The following GAB2 variants were observed in gnomAD, a reference collection of about 807,000 sequenced individuals.
GAB2 encodes GRB2 associated binding protein 2, also known as GRB2-associated-binding protein 2.
Under a neutral mutation model 65.5 loss-of-function variants are expected in GAB2, and 26 were observed. The observed-to-expected ratio is 0.40, with a 90% confidence interval of 0.29 to 0.55. GAB2 has a LOEUF of 0.55. Ranked by LOEUF, GAB2 falls within the 20% of genes least tolerant of loss-of-function variation. The probability of loss-of-function intolerance (pLI) is 0.53; values close to 1 mark genes in which losing one functional copy is unlikely to be tolerated. For synonymous variants in GAB2, 321 were observed against 329.6 expected, an observed-to-expected ratio of 0.97 and a Z score of 0.28; for missense variants, 884 against 875.8, an observed-to-expected ratio of 1.01 and a Z score of -0.12.
chr11:78,328,771 G>A (rs139654660), intron 1 of GAB2, among the ~76,000 whole-genome samples: 88 of 148,324 alleles, frequency 5.9e-4, no homozygotes, highest in African/African-American at 2.1e-3. Context: ...TTCTTCTGGA[G>A]GGTGGGGGTG....
intron 1 of GAB2, among the ~76,000 whole-genome samples, chr11:78,354,183 G>A (rs1209039394): frequency 6.6e-6 from 1 of 152,206 alleles, no homozygotes; most frequent in Non-Finnish European, 1.5e-5. Flanking sequence ...ACTTTTGGAA[G>A]TGTCTACTGT....
chr11:78,293,876 C>T (rs1031398006), intron 1 of GAB2, among the ~76,000 whole-genome samples: 3 of 152,020 alleles, frequency 2.0e-5, no homozygotes, highest in African/African-American at 7.2e-5. Flanking sequence ...AGCATGCAAG[C>T]AGGTTAAAAG....
chr11:78,382,625 C>T (rs146528306), intron 1 of GAB2, among the ~76,000 whole-genome samples: 423 of 152,260 alleles, frequency 2.8e-3, no homozygotes, highest in African/African-American at 9.7e-3. Context: ...TAGTACTGCA[C>T]ATAAAATTAA....
chr11:78,266,176 C>A (rs959302945), intron 2 of GAB2, among the ~76,000 whole-genome samples: 1 of 137,210 alleles, frequency 7.3e-6, no homozygotes, highest in African/African-American at 2.8e-5. Flanking sequence ...GATTACACCA[C>A]TGCACTCCAG....
chr11:78,408,546 TAA>T (rs1259109390), intron 1 of GAB2, among the ~76,000 whole-genome samples: 6 of 152,168 alleles, frequency 3.9e-5, no homozygotes, highest in Non-Finnish European at 2.9e-5. Context: ...GAAATTATAT[TAA>T]GTGTAAATTT....
intron 1 of GAB2, among the ~76,000 whole-genome samples, chr11:78,367,523 G>A (rs1038911968): frequency 3.3e-5 from 5 of 152,216 alleles, no homozygotes; most frequent in African/African-American, 1.2e-4. Flanking sequence ...TTTTATGTAA[G>A]AGATCTCAGC....
chr11:78,242,345 A>G (rs1316117319), intron 3 of GAB2, among the ~76,000 whole-genome samples: 2 of 152,098 alleles, frequency 1.3e-5, no homozygotes, highest in Non-Finnish European at 2.9e-5. Context: ...TACTAAAAAT[A>G]CAAAAAATTA....
intron 1 of GAB2, among the ~76,000 whole-genome samples, chr11:78,406,805 G>C (rs1199121491): frequency 6.6e-6 from 1 of 152,132 alleles, no homozygotes; most frequent in Non-Finnish European, 1.5e-5. Flanking sequence ...ATTTTAAAGA[G>C]TCATCATAAA....
intron 2 of GAB2, among the ~76,000 whole-genome samples, chr11:78,265,916 C>A (rs998535513): frequency 6.6e-6 from 1 of 152,032 alleles, no homozygotes; most frequent in South Asian, 2.1e-4. Context: ...TAACCAAACA[C>A]TGTAACTAAA....
chr11:78,377,888 A>C (rs902210799), intron 1 of GAB2, among the ~76,000 whole-genome samples: 5 of 152,204 alleles, frequency 3.3e-5, no homozygotes, highest in African/African-American at 1.2e-4. Flanking sequence ...CAAGTACTGA[A>C]TAACTGGATA....
intron 1 of GAB2, among the ~76,000 whole-genome samples, chr11:78,352,212 TCAAA>T (rs1231590284): frequency 1.3e-5 from 2 of 152,268 alleles, no homozygotes; most frequent in East Asian, 1.9e-4. Context: ...AGACTCCGTC[TCAAA>T]CAAACAAACA....
At chr11:78,407,772 G>GAGAA (rs531700030) in intron 1 of GAB2, among the ~76,000 whole-genome samples, 3 of 147,360 alleles carry the variant, frequency 2.0e-5, no homozygotes, top group African/African-American at 7.4e-5. Context: ...AAGAAAGAGA[G>GAGAA]AGAAAGAAAG....
chr11:78,284,393 G>A (rs1358797484), intron 1 of GAB2, among the ~76,000 whole-genome samples: 1 of 152,208 alleles, frequency 6.6e-6, no homozygotes, highest in Non-Finnish European at 1.5e-5. Context: ...TGCAATGGCT[G>A]TTCATCTCAC....
intron 1 of GAB2, among the ~76,000 whole-genome samples, chr11:78,400,567 T>C (rs7939646): frequency 0.26 from 39,523 of 152,094 alleles, 5,980 homozygotes; most frequent in East Asian, 0.41. Context: ...TTACTATATC[T>C]CATTGTCCCT....
intron 1 of GAB2, among the ~76,000 whole-genome samples, chr11:78,388,419 T>C (rs1856795380): frequency 6.6e-6 from 1 of 152,078 alleles, no homozygotes; most frequent in South Asian, 2.1e-4. Flanking sequence ...CTCAACTTCC[T>C]GGGCTTGGGC....
At chr11:78,269,417 T>C (rs1268477851) in intron 2 of GAB2, among the ~76,000 whole-genome samples, 1 of 152,186 alleles carries the variant, frequency 6.6e-6, no homozygotes. Context: ...GCTCTCTGTC[T>C]CTCTTTTCAT....
intron 1 of GAB2, among the ~76,000 whole-genome samples, chr11:78,293,859 G>C (rs1376125104): frequency 2.0e-5 from 3 of 152,206 alleles, no homozygotes; most frequent in African/African-American, 7.2e-5. Context: ...GAGTGAGGGA[G>C]AGCGAGAGCA....
intron 3 of GAB2, among the ~76,000 whole-genome samples, chr11:78,233,982 TAC>T (rs1156810007): frequency 3.9e-5 from 6 of 152,354 alleles, no homozygotes; most frequent in South Asian, 2.1e-4. Flanking sequence ...CACCAAAAAC[TAC>T]AGTTTTTTCT....
At chr11:78,313,637 A>G (rs1351790933) in intron 1 of GAB2, among the ~76,000 whole-genome samples, 1 of 152,242 alleles carries the variant, frequency 6.6e-6, no homozygotes, top group Admixed American at 6.5e-5. Flanking sequence ...AAATGCAAAT[A>G]AACTGTCTAT....
Sources: allele counts gnomAD v4.1 joint callset (sites outside exome capture counted in the v4.1 genomes callset), GRCh38; gene constraint gnomAD v4.1.1; transcripts MANE v1.5; gene names NCBI Gene and HGNC (gene_info 2026-07-23, HGNC 2026-07-21).